PACRG: variants seen among roughly 807,000 people sequenced by gnomAD.
PACRG encodes the protein parkin coregulated gene protein.
Under a neutral mutation model 29.7 loss-of-function variants are expected in PACRG, and 29 were observed. The observed-to-expected ratio is 0.98, with a 90% CI of 0.73 to 1.33. The LOEUF (loss-of-function observed/expected upper bound fraction) is 1.33. Among genes scored for constraint, PACRG ranks in the 40% most tolerant of loss-of-function variants. The probability of loss-of-function intolerance (pLI) is 0.00; values close to 1 mark genes in which losing one functional copy is unlikely to be tolerated. For synonymous variants in PACRG, 116 were observed against 118.7 expected, an observed-to-expected ratio of 0.98 and a Z score of 0.15; for missense variants, 279 against 316.2, an observed-to-expected ratio of 0.88 and a Z score of 0.89.
intron 2 of PACRG, among the ~76,000 whole-genome samples, chr6:162,821,800 C>T (rs9458649): frequency 1.1e-4 from 16 of 152,038 alleles, no homozygotes; most frequent in African/African-American, 3.1e-4. Context: ...ATGAACAGTT[C>T]GCTCCTGTCT....
At position 162,947,379 on chromosome 6, in the gene PACRG, T is replaced by C. The variant is rs1799161745; in HGVS notation, c.292-114771T>C. On this transcript the variant is annotated intron_variant, in intron 2 of 4. Transcript: ENST00000366888. ...TATATAATGTAATCATATATAATCA[T>C]ATATATAATCATATATAATATATAA... Among the ~76,000 whole-genome samples, 2 of 116,614 alleles carry C rather than the reference T, an allele frequency of 1.7e-5. 1 individual carries two copies. The highest frequency in any genetic ancestry group is 1.9e-4 in the Admixed American group (2 of 10,502). 76.5% of individuals were successfully genotyped at this position (116,614 alleles called of 152,430 possible). A position where few individuals can be genotyped will look rare whatever the true frequency, so the allele number is the denominator to read the frequency against.
At chr6:163,069,285 CAAAA>C (rs11354740) in intron 3 of PACRG, among the ~76,000 whole-genome samples, 2 of 94,382 alleles carry the variant, frequency 2.1e-5, no homozygotes, top group Admixed American at 1.1e-4. Context: ...ATGAACTCAC[CAAAA>C]AAAAAAAAAA....
At chr6:162,797,626 T>G (rs1785494078) in intron 1 of PACRG, among the ~76,000 whole-genome samples, 1 of 152,228 alleles carries the variant, frequency 6.6e-6, no homozygotes, top group African/African-American at 2.4e-5. Context: ...CAAAACATTT[T>G]TATAACCACA....
intron 1 of PACRG, among the ~76,000 whole-genome samples, chr6:162,802,096 A>G (rs1316832): frequency 0.074 from 11,213 of 152,074 alleles, 526 homozygotes; most frequent in East Asian, 0.28. Context: ...AATTCTATAT[A>G]TTTTTTGTGA....
intron 4 of PACRG, among the ~76,000 whole-genome samples, chr6:163,229,838 A>G (rs1456733360): frequency 6.6e-6 from 1 of 152,240 alleles, no homozygotes; most frequent in Non-Finnish European, 1.5e-5. Flanking sequence ...GTTGTCAGCA[A>G]GATGCCCAGA....
intron 4 of PACRG, chr6:163,095,186 A>T: frequency 1.1e-6 from 1 of 902,670 alleles, no homozygotes; most frequent in South Asian, 5.1e-5. Context: ...TGAAACCTAC[A>T]CATGCTTATG....
intron 4 of PACRG, among the ~76,000 whole-genome samples, chr6:163,236,322 CTT>C (rs1350766407): frequency 6.6e-6 from 1 of 152,212 alleles, no homozygotes; most frequent in African/African-American, 2.4e-5. Flanking sequence ...TCTGAATACT[CTT>C]TCATTTATTG....
intron 2 of PACRG, among the ~76,000 whole-genome samples, chr6:162,831,961 G>A (rs895270155): frequency 1.3e-5 from 2 of 152,134 alleles, no homozygotes; most frequent in Admixed American, 6.6e-5. Context: ...TAGCACTGAA[G>A]TGAATGTACA....
chr6:163,276,565 A>G (rs952207552), intron 4 of PACRG, among the ~76,000 whole-genome samples: 12 of 152,126 alleles, frequency 7.9e-5, no homozygotes, highest in Non-Finnish European at 1.3e-4. Context: ...CTCTTCCAAT[A>G]TGTGGGTTGC....
At chr6:162,988,428 T>C (rs1003092866) in intron 2 of PACRG, among the ~76,000 whole-genome samples, 9 of 152,096 alleles carry the variant, frequency 5.9e-5, no homozygotes, top group Admixed American at 1.3e-4. Context: ...GACAGATGGA[T>C]ATGCATGGGG....
intron 2 of PACRG, among the ~76,000 whole-genome samples, chr6:163,046,963 C>T (rs1219645659): frequency 6.6e-6 from 1 of 152,206 alleles, no homozygotes; most frequent in Non-Finnish European, 1.5e-5. Context: ...ACTATCATAA[C>T]AATTTCTTCT....
chr6:163,197,055 AAAGT>A (rs1241386033), intron 4 of PACRG, among the ~76,000 whole-genome samples: 2 of 152,370 alleles, frequency 1.3e-5, no homozygotes, highest in East Asian at 3.9e-4. Context: ...AAGCAGAAAA[AAAGT>A]AAGAAGAACT....
intron 2 of PACRG, among the ~76,000 whole-genome samples, chr6:163,026,445 A>G (rs1157318268): frequency 1.3e-5 from 2 of 152,246 alleles, no homozygotes; most frequent in Non-Finnish European, 2.9e-5. Flanking sequence ...ACACTGATCT[A>G]TGGCATTTCT....
At position 162,804,396 on chromosome 6, in the gene PACRG, A is replaced by G. The variant is rs112677108; in HGVS notation, c.157-9751A>G. Among the ~76,000 whole-genome samples, 899 of 152,286 alleles carry G rather than the reference A, an allele frequency of 5.9e-3. 6 individuals are homozygous for G. The highest frequency in any genetic ancestry group is 9.5e-3 in the Non-Finnish European group (647 of 67,998). On this transcript the variant is annotated intron_variant, in intron 1 of 4. Transcript: ENST00000366888. ...ACAGTGACTGAGGGACATGTCCTGT[A>G]GAGACAAAGAGATTGGGGGTTAAAG...
At position 162,936,799 on chromosome 6, in the gene PACRG, A is replaced by AT. The variant is rs200818605; in HGVS notation, c.291+122531dup. The stretch of plus-strand genomic sequence containing the variant: ...AAGTATATATCTGTAATTGTTCAGA[A>AT]TTTTTTTTTTTTTAGTTTGGCTTAT... On this transcript the variant is annotated intron_variant, in intron 2 of 4. Coordinates refer to ENST00000366888, the MANE Select transcript of PACRG (RefSeq NM_001080379.2). 0.016 allele frequency among the ~76,000 whole-genome samples: 2,310 copies of AT among 146,468 alleles called. 131 individuals carry two copies. In the East Asian group the frequency reaches 0.16, roughly 10 times the overall value.
At chr6:163,235,589 T>A (rs1782204441) in intron 4 of PACRG, among the ~76,000 whole-genome samples, 1 of 152,200 alleles carries the variant, frequency 6.6e-6, no homozygotes, top group Admixed American at 6.5e-5. Flanking sequence ...TGTGTTAATG[T>A]CTATAGACTA....
In PACRG at chr6:162,939,338, C is replaced by T. The variant is rs551127887; in HGVS notation, c.292-122812C>T. On this transcript the variant is annotated intron_variant, in intron 2 of 4. Coordinates refer to ENST00000366888, the MANE Select transcript of PACRG (RefSeq NM_001080379.2). ...ATTGGAAAAACCCTTCTGACATTGA[C>T]CTAAGCAAGGATTTCATGACCAAGA... 3.5e-4 allele frequency among the ~76,000 whole-genome samples: 54 copies of T among 152,178 alleles called. No individual in the cohort carries two copies. In the South Asian group the frequency reaches 0.01, roughly 29 times the overall value.
chr6:163,198,309 C>A (rs200352678), intron 4 of PACRG, among the ~76,000 whole-genome samples: 7 of 141,220 alleles, frequency 5.0e-5, no homozygotes, highest in Admixed American at 3.4e-4. Context: ...AAAAAATATT[C>A]AGAGTTTGAT....
chr6:163,200,324 C>T (rs1355147254), intron 4 of PACRG, among the ~76,000 whole-genome samples: 1 of 152,174 alleles, frequency 6.6e-6, no homozygotes, highest in Non-Finnish European at 1.5e-5. Context: ...TTGGCACCTC[C>T]TGAGGATGGG....
Sources: gnomAD v4.1 joint callset for allele counts (sites outside exome capture counted in the v4.1 genomes callset) on GRCh38, gnomAD v4.1.1 for gene constraint, MANE v1.5 for transcripts, NCBI Gene and HGNC (gene_info 2026-07-23, HGNC 2026-07-21) for gene names.